Variants in FRG1 observed in about 807,000 individuals in gnomAD.
FRG1 encodes the protein FSHD region gene 1, also known as protein FRG1.
In FRG1, 19 loss-of-function variants were observed where a neutral mutation model predicts 37.0. That is an observed-to-expected ratio of 0.51 (90% CI 0.36 to 0.75). The LOEUF (loss-of-function observed/expected upper bound fraction) is 0.75, where lower values mean the gene tolerates loss of function less well. Among genes scored for constraint, FRG1 ranks in the 30% least tolerant of loss-of-function variants. The pLI is 0.00. For missense variants in FRG1, 243 were observed against 301.4 expected (o/e 0.81, Z 1.44); for synonymous variants, 73 against 96.5 (o/e 0.76, Z 1.43).
intron 2 of FRG1, among the ~76,000 whole-genome samples, chr4:189,946,076 G>C (rs1033104108): frequency 6.6e-6 from 1 of 152,110 alleles, no homozygotes; most frequent in African/African-American, 2.4e-5. Flanking sequence ...AATGTCCGTA[G>C]AATCTCATCT....
At chr4:189,946,825 A>G (rs1182351868) in intron 2 of FRG1, among the ~76,000 whole-genome samples, 1 of 151,970 alleles carries the variant, frequency 6.6e-6, no homozygotes, top group Non-Finnish European at 1.5e-5. Flanking sequence ...TATTCTGCAG[A>G]TGTTGGTTCA....
At chr4:189,949,728 G>A (rs1043525474) in intron 2 of FRG1, among the ~76,000 whole-genome samples, 21 of 151,990 alleles carry the variant, frequency 1.4e-4, no homozygotes, top group Admixed American at 8.5e-4. Context: ...TCTGAATAAA[G>A]CATTATTTCT....
intron 2 of FRG1, among the ~76,000 whole-genome samples, chr4:189,948,037 G>A (rs188710326): frequency 3.3e-5 from 5 of 152,084 alleles, no homozygotes; most frequent in African/African-American, 7.2e-5. Context: ...CAGTTTTCTC[G>A]TTGGTCATGG....
Position 189,940,892 on chromosome 4 carries a change from C to A in FRG1, c.-118C>A. The A allele has an allele frequency of 2.9e-6, 2 of 701,038 alleles. No individual in the cohort carries two copies. The highest frequency in any genetic ancestry group is 5.0e-6 in the Non-Finnish European group (2 of 401,586). 43.4% of individuals were successfully genotyped at this position (701,038 alleles called of 1,614,324 possible). A position where few individuals can be genotyped will look rare whatever the true frequency, so the allele number is the denominator to read the frequency against. On this transcript the variant is annotated 5_prime_UTR_variant, in exon 1 of 9. It adds an upstream start codon to the 5' untranslated region. Coordinates refer to ENST00000226798, the MANE Select transcript of FRG1 (RefSeq NM_004477.3). ...GAGGCGGGTTCTACAGAGACGTAGG[C>A]TGTCAGGGAGTGTTTATTTCGCGTC...
chr4:189,951,786 C>T (rs1736764467), intron 2 of FRG1, among the ~76,000 whole-genome samples: 1 of 152,064 alleles, frequency 6.6e-6, no homozygotes, highest in Non-Finnish European at 1.5e-5. Flanking sequence ...TTCCCCAGCT[C>T]CCCGAGTAGC....
Position 189,956,111 on chromosome 4 carries a change from A to G in FRG1, c.432+960A>G, listed in dbSNP as rs2126816762. On this transcript the variant is annotated intron_variant, in intron 5 of 8. Coordinates refer to ENST00000226798, the MANE Select transcript of FRG1 (RefSeq NM_004477.3). ...CATTGCAGCCCAGCACACATGTATA[A>G]CTGAAGCAAGAGTTGTACTTAACAA... 1.3e-5 allele frequency among the ~76,000 whole-genome samples: 2 copies of G among 152,304 alleles called. 1 individual carries two copies. The highest frequency in any genetic ancestry group is 4.1e-4 in the South Asian group (2 of 4,828).
At chr4:189,962,106 A>G (rs1303457429) in intron 8 of FRG1, among the ~76,000 whole-genome samples, 174 bp downstream of exon 8, 3 of 152,220 alleles carry the variant, frequency 2.0e-5, no homozygotes, top group African/African-American at 7.2e-5. Flanking sequence ...AAAGACTGTC[A>G]TGAAAGAATA....
rs1061653 is a variant in FRG1 at position 189,955,087 on chromosome 4, G to C, written c.368G>C (p.Gly123Ala). The change falls in exon 5 of 9, where the codon GGA (glycine) becomes GCA (alanine). Residue 123 changes from glycine (G) to alanine (A), a missense_variant. Around this residue, in one of 2 missense-constraint regions of FRG1, gnomAD observed 133 missense variants for 199.3 expected, o/e 0.67. Coordinates refer to ENST00000226798, the MANE Select transcript of FRG1 (RefSeq NM_004477.3). ...YGKYLGINSD[G>A]LVVGRSDAIG... ...AAATATCTTGGTATAAATTCAGATGGACTTGTTGTTGGGCGTTCAGATGCA... is the reference window on the plus strand; with the variant it reads ...AAATATCTTGGTATAAATTCAGATGCACTTGTTGTTGGGCGTTCAGATGCA... 5 of 1,570,888 alleles carry C rather than the reference G, an allele frequency of 3.2e-6. No homozygotes were observed. The highest frequency in any genetic ancestry group is 2.6e-6 in the Non-Finnish European group (3 of 1,144,252).
Position 189,941,050 on chromosome 4 carries a change from T to C in FRG1, c.41T>C (p.Leu14Pro), listed in dbSNP as rs754264447. 11 of 1,614,002 alleles carry C rather than the reference T, an allele frequency of 6.8e-6. No individual in the cohort carries two copies. Among genetic ancestry groups the C allele is most frequent in the Non-Finnish European group, 9.3e-6 (11 of 1,179,976 alleles). ...TACGTGAAGTCTACCAAGCTCGTGC[T>C]CAAGGGAACCAAGACGAAGAGGTGG... ...YSYVKSTKLV[L>P]KGTKTKSKKK... Residue 14 changes from leucine (L) to proline (P), a missense_variant, in exon 1 of 9, where the codon CTC (leucine) becomes CCC (proline). Leu to Pro is a moderately conservative substitution (Grantham distance 98). Around this residue, in one of 2 missense-constraint regions of FRG1, gnomAD observed 110 missense variants for 102.2 expected, o/e 1.08. Coordinates refer to ENST00000226798, the MANE Select transcript of FRG1 (RefSeq NM_004477.3).
rs546007987 is a variant in FRG1 at position 189,950,153 on chromosome 4, C to T, written c.134-2009C>T. Among the ~76,000 whole-genome samples, 10 of 152,300 alleles carry T rather than the reference C, an allele frequency of 6.6e-5. No individual in the cohort carries two copies. In the East Asian group the frequency reaches 1.7e-3, roughly 26 times the overall value. On this transcript the variant is annotated intron_variant, in intron 2 of 8. Coordinates refer to ENST00000226798, the MANE Select transcript of FRG1 (RefSeq NM_004477.3). Reference sequence around the variant, plus strand: ...TGACTAGTGATGTTGAGCGTCTTTTCAAGTGCTTATTGGCCATTTGTATAT... The same window carrying T: ...TGACTAGTGATGTTGAGCGTCTTTTTAAGTGCTTATTGGCCATTTGTATAT...
chr4:189,947,228 A>G (rs555990528), intron 2 of FRG1, among the ~76,000 whole-genome samples: 2 of 152,294 alleles, frequency 1.3e-5, no homozygotes, highest in Admixed American at 1.3e-4. Flanking sequence ...ATTTTTTACT[A>G]ATGCTACAGT....
At chr4:189,947,391 A>C (rs1736576787) in intron 2 of FRG1, among the ~76,000 whole-genome samples, 1 of 152,186 alleles carries the variant, frequency 6.6e-6, no homozygotes, top group Non-Finnish European at 1.5e-5. Flanking sequence ...ATAACATTTT[A>C]ACCTTATTTC....
At chr4:189,950,849 AT>A (rs1736722637) in intron 2 of FRG1, among the ~76,000 whole-genome samples, 1 of 152,088 alleles carries the variant, frequency 6.6e-6, no homozygotes, top group African/African-American at 2.4e-5. Context: ...ATGTTATGTC[AT>A]TTTACCCATG....
At chr4:189,961,367 T>A (rs1737222015) in intron 7 of FRG1, 1 of 150,942 alleles carries the variant, frequency 6.6e-6, no homozygotes. Context: ...AAGGTCATCT[T>A]TGTTGAAAAG....
intron 2 of FRG1, among the ~76,000 whole-genome samples, chr4:189,943,585 A>C (rs1223004321): frequency 6.6e-6 from 1 of 152,198 alleles, no homozygotes; most frequent in African/African-American, 2.4e-5. Flanking sequence ...ATCTTTTACA[A>C]GTTATTTTCT....
intron 2 of FRG1, among the ~76,000 whole-genome samples, chr4:189,951,844 T>C (rs573756467): frequency 6.6e-6 from 1 of 152,298 alleles, no homozygotes; most frequent in African/African-American, 2.4e-5. Flanking sequence ...GTTGCTATTT[T>C]ATGTTTTAAA....
intron 6 of FRG1, among the ~76,000 whole-genome samples, chr4:189,959,095 A>C (rs1309465237): frequency 1.3e-5 from 2 of 152,238 alleles, no homozygotes; most frequent in Non-Finnish European, 2.9e-5. Context: ...ATTTTTCTCT[A>C]CTACCAGTGC....
intron 4 of FRG1, among the ~76,000 whole-genome samples, chr4:189,953,506 A>C (rs1213866761): frequency 3.3e-5 from 5 of 152,150 alleles, no homozygotes; most frequent in Non-Finnish European, 1.5e-5. Flanking sequence ...ATGTTACAGA[A>C]TCATAACGAC....
At chr4:189,952,349 G>A in intron 3 of FRG1, 62 bp downstream of exon 3, 8 of 1,474,444 alleles carry the variant, frequency 5.4e-6, no homozygotes, top group Non-Finnish European at 7.5e-6. Context: ...CATTCACTTA[G>A]GCCAAACTCT....
Sources: gnomAD v4.1 joint callset for allele counts (sites outside exome capture counted in the v4.1 genomes callset) on GRCh38, gnomAD v4.1.1 for gene constraint, gnomAD v4.1.1 regional missense constraint, MANE v1.5 for transcripts, NCBI Gene and HGNC (gene_info 2026-07-23, HGNC 2026-07-21) for gene names.